The following RAVER1 variants were observed in gnomAD, a reference collection of about 807,000 sequenced individuals.
The protein encoded by RAVER1 is ribonucleoprotein PTB-binding 1.
A neutral mutation model predicts 68.4 loss-of-function variants in RAVER1; 36 were observed. That is an observed-to-expected ratio of 0.53 (90% CI 0.40 to 0.70). The LOEUF (loss-of-function observed/expected upper bound fraction) is 0.70. RAVER1 is among the 30% of genes least tolerant of loss of function. The pLI, the probability that RAVER1 is intolerant of heterozygous loss-of-function variation, is 0.00. For missense variants in RAVER1, 933 were observed against 1,019.8 expected (o/e 0.91, Z 1.16); for synonymous variants, 469 against 472.7 (o/e 0.99, Z 0.10).
chr19:10,322,313 T>A lies in RAVER1; in HGVS notation c.1173+332A>T. 2.9e-6 allele frequency: 1 copy of A among 346,536 alleles called. No individual in the cohort carries two copies. The highest frequency in any genetic ancestry group is 4.4e-5 in the South Asian group (1 of 22,770). 21.5% of individuals were successfully genotyped at this position (346,536 alleles called of 1,614,324 possible). On this transcript the variant is annotated intron_variant, in intron 6 of 12. Transcript: ENST00000617231. This position sits in a 1 kb window ranked among gnomAD's most constrained non-coding sequence, Gnocchi z 4.3. ...CTATAGAGCTTCCGAGCAGAGTCTA[T>A]TCACAAACTGGTGCCCAGCAGCGGC... is the stretch of plus-strand genomic sequence containing the variant.
At chr19:10,325,629 A>G (rs2040469266) in intron 3 of RAVER1, among the ~76,000 whole-genome samples, 1 of 152,148 alleles carries the variant, frequency 6.6e-6, no homozygotes, top group South Asian at 2.1e-4. Context: ...GGCATGAGCC[A>G]CTGTGCCCGG....
chr19:10,330,574 G>T, intron 1 of RAVER1, 48 bp from the exon 2 acceptor site: 1 of 901,398 alleles, frequency 1.1e-6, no homozygotes. Context: ...AGATGGAAGG[G>T]GGCAACCCAG....
Position 10,323,111 on chromosome 19 carries a change from T to C in RAVER1, c.1078+34A>G. Reference sequence around the variant, plus strand: ...GGGGGCAGCGCTGCAGCCCCTGTTCTGCACAGTGGGGCCCCTGTCCAGCCC... The same window carrying C: ...GGGGGCAGCGCTGCAGCCCCTGTTCCGCACAGTGGGGCCCCTGTCCAGCCC... On this transcript the variant is annotated intron_variant, in intron 5 of 12. Transcript: ENST00000617231. The surrounding 1 kb of genome is among the most constrained non-coding windows in gnomAD (Gnocchi z 6.2). The C allele has an allele frequency of 6.6e-7, 1 of 1,525,954 alleles. No homozygotes were observed. Among genetic ancestry groups the C allele is most frequent in the South Asian group, 1.2e-5 (1 of 82,056 alleles). 94.5% of individuals were successfully genotyped at this position (1,525,954 alleles called of 1,614,324 possible). A position where few individuals can be genotyped will look rare whatever the true frequency, so the allele number is the denominator to read the frequency against.
At chr19:10,332,453 C>A (rs917478260) in intron 1 of RAVER1, among the ~76,000 whole-genome samples, 2 of 152,176 alleles carry the variant, frequency 1.3e-5, no homozygotes, top group African/African-American at 4.8e-5. Context: ...ATCCCTGTCC[C>A]GATCTGTCCC....
intron 2 of RAVER1, 35 bp downstream of exon 2, chr19:10,330,425 C>T (rs964139575): frequency 8.5e-6 from 9 of 1,060,820 alleles, no homozygotes; most frequent in Admixed American, 7.8e-5. Flanking sequence ...GGGATGGTCA[C>T]TCCCTGCCCT....
In RAVER1 at chr19:10,322,751, CAT is replaced by C; in HGVS notation, c.1079-14_1079-13del. On this transcript the variant is annotated splice_polypyrimidine_tract_variant and intron_variant, in intron 5 of 12. Coordinates refer to ENST00000617231, the MANE Select transcript of RAVER1 (RefSeq NM_133452.3). The surrounding 1 kb of genome is among the most constrained non-coding windows in gnomAD (Gnocchi z 4.3). ...GGCACCCAGGAGGCCTGGAGGGAGA[CAT>C]AGGAGGATGTGTGGGGGTCCCTGTG... The C allele has an allele frequency of 6.9e-7, 1 of 1,450,146 alleles. No individual in the cohort carries two copies. Among genetic ancestry groups the C allele is most frequent in the South Asian group, 1.5e-5 (1 of 68,278 alleles). 89.8% of individuals were successfully genotyped at this position (1,450,146 alleles called of 1,614,324 possible). A position where few individuals can be genotyped will look rare whatever the true frequency, so the allele number is the denominator to read the frequency against.
rs1259171388 is a variant in RAVER1, at chr19:10,317,525, C to G, written c.2149G>C (p.Val717Leu). The G allele has an allele frequency of 6.2e-7, 1 of 1,613,614 alleles. No homozygotes were observed. Among genetic ancestry groups the G allele is most frequent in the Non-Finnish European group, 8.5e-7 (1 of 1,179,574 alleles). Residue 717 changes from valine (V) to leucine (L), a missense_variant, in exon 13 of 13, where the codon GTG (valine) becomes CTG (leucine). Physicochemically the swap from Val to Leu is conservative, Grantham distance 32. Transcript: ENST00000617231. This position sits in a 1 kb window ranked among gnomAD's most constrained non-coding sequence, Gnocchi z 4.3. ...SPEPSPEGSYVGQHSQGLGGH... is the reference protein window; with the variant it reads ...SPEPSPEGSYLGQHSQGLGGH... ...CCGAGGCCCTGGGAGTGCTGGCCCA[C>G]ATAGCTGCCTTCTGGGCTGGGCTCG...
chr19:10,331,393 C>CAAA lies in RAVER1; in HGVS notation c.220-870_220-868dup, dbSNP rs1171709414. Among the ~76,000 whole-genome samples the CAAA allele has an allele frequency of 1.8e-3, 89 of 48,516 alleles. 1 individual carries two copies. Among genetic ancestry groups the CAAA allele is most frequent in the African/African-American group, 5.2e-3 (56 of 10,826 alleles). 31.8% of individuals were successfully genotyped at this position (48,516 alleles called of 152,430 possible). On this transcript the variant is annotated intron_variant, in intron 1 of 12. Coordinates refer to ENST00000617231, the MANE Select transcript of RAVER1 (RefSeq NM_133452.3). Reference sequence around the variant, plus strand: ...AAAAAAAAAAAAAAAATAACAACAACAAAAAAAAAAAAAAAAAAAGAGGCC... The same window carrying CAAA: ...AAAAAAAAAAAAAAAATAACAACAACAAAAAAAAAAAAAAAAAAAAAAGAGGCC...
At position 10,317,758 on chromosome 19, in the gene RAVER1, G is replaced by T. The variant is rs775636591; in HGVS notation, c.2005C>A (p.Pro669Thr). 1.9e-6 allele frequency: 3 copies of T among 1,589,078 alleles called. No individual in the cohort carries two copies. Among genetic ancestry groups the T allele is most frequent in the East Asian group, 4.5e-5 (2 of 44,158 alleles). ...SHLSKAIGSS[P>T]LGSGEGLLGL... ...AGGAGCCCTTCTCCGGACCCCAGCG[G>T]GGAAGAGCCGATTGCCTGGGAGAAA... Residue 669 changes from proline to threonine, a missense_variant, in exon 12 of 13, where the codon CCG becomes ACG. By Grantham distance (38) the Pro-to-Thr change is conservative. This residue lies in a region of RAVER1 where 699 missense variants were observed against 731.1 expected (regional missense o/e 0.96). Transcript: ENST00000617231. This position sits in a 1 kb window ranked among gnomAD's most constrained non-coding sequence, Gnocchi z 4.3.
At chr19:10,320,524 A>T (rs561882711) in intron 9 of RAVER1, 131 bp downstream of exon 9, 5 of 732,926 alleles carry the variant, frequency 6.8e-6, no homozygotes, top group African/African-American at 1.9e-5. Flanking sequence ...AAAAAAAAAA[A>T]GCAGAGACCA....
At chr19:10,324,025 G>A (rs953898959) in intron 3 of RAVER1, among the ~76,000 whole-genome samples, 1 of 152,106 alleles carries the variant, frequency 6.6e-6, no homozygotes, top group African/African-American at 2.4e-5. Flanking sequence ...GCACATGCCT[G>A]TATTCCCAGC....
At chr19:10,320,504 TA>T (rs773652670) in intron 9 of RAVER1, 150 bp downstream of exon 9, 82,270 of 466,942 alleles carry the variant, frequency 0.18, 3 homozygotes, top group East Asian at 0.21. Flanking sequence ...ACCCTGTCTC[TA>T]AAAAAAAAAA....
In RAVER1 at chr19:10,321,201, T is replaced by C. The variant is rs914415338; in HGVS notation, c.1320A>G (p.Pro440=). 9.4e-6 allele frequency: 12 copies of C among 1,279,616 alleles called. No homozygotes were observed. Among genetic ancestry groups the C allele is most frequent in the Non-Finnish European group, 9.9e-6 (10 of 1,010,044 alleles). 79.3% of individuals were successfully genotyped at this position (1,279,616 alleles called of 1,614,324 possible). A position where few individuals can be genotyped will look rare whatever the true frequency, so the allele number is the denominator to read the frequency against. ...PRRGKPPPLL[P]SVLGPAGGDR... is the part of the protein sequence containing the mutation. ...CACCCCCAGCAGGGCCAAGCACGGA[T>C]GGCAGCAGGGGTGGTGGCTTCCCTC... Residue 440 remains proline (P), a synonymous_variant, in exon 8 of 13, where the codon CCA becomes CCG. Transcript: ENST00000617231.
In RAVER1 at chr19:10,322,634, G is replaced by A; in HGVS notation, c.1173+11C>T. ...CTGTAGAGCAGTGGGTGAGGGGGAT[G>A]CGTGTGTTACCTTCTGGCCCTGGGT... is the stretch of plus-strand genomic sequence containing the variant. On this transcript the variant is annotated intron_variant, in intron 6 of 12. Coordinates refer to ENST00000617231, the MANE Select transcript of RAVER1 (RefSeq NM_133452.3). The surrounding 1 kb of genome is among the most constrained non-coding windows in gnomAD (Gnocchi z 4.3). 1 of 1,522,972 alleles carries A rather than the reference G, an allele frequency of 6.6e-7. No individual in the cohort carries two copies. The highest frequency in any genetic ancestry group is 8.8e-7 in the Non-Finnish European group (1 of 1,136,722). The allele number at this position is 1,522,972 out of a possible 1,614,324, so 94.3% of individuals were successfully genotyped here. A position where few individuals can be genotyped will look rare whatever the true frequency, so the allele number is the denominator to read the frequency against.
chr19:10,322,440 A>C lies in RAVER1; in HGVS notation c.1173+205T>G. Reference sequence around the variant, plus strand: ...CAGGGGCGCTCTCAGAATGGAGGGAAAGATGGCGAACCATCATGAGCAATT... The same window carrying C: ...CAGGGGCGCTCTCAGAATGGAGGGACAGATGGCGAACCATCATGAGCAATT... On this transcript the variant is annotated intron_variant, in intron 6 of 12. Transcript: ENST00000617231. The surrounding 1 kb of genome is among the most constrained non-coding windows in gnomAD (Gnocchi z 4.3). The C allele has an allele frequency of 2.0e-6, 1 of 508,772 alleles. No homozygotes were observed. The highest frequency in any genetic ancestry group is 3.4e-6 in the Non-Finnish European group (1 of 293,134). 31.5% of individuals were successfully genotyped at this position (508,772 alleles called of 1,614,324 possible). A position where few individuals can be genotyped will look rare whatever the true frequency, so the allele number is the denominator to read the frequency against.
chr19:10,333,508 C>T lies in RAVER1; in HGVS notation c.-1G>A. 1.9e-6 allele frequency: 3 copies of T among 1,596,188 alleles called. No individual in the cohort carries two copies. The highest frequency in any genetic ancestry group is 1.1e-5 in the South Asian group (1 of 90,804). On this transcript the variant is annotated 5_prime_UTR_variant, in exon 1 of 13. Transcript: ENST00000617231. The surrounding 1 kb of genome is among the most constrained non-coding windows in gnomAD (Gnocchi z 4.2). Reference sequence around the variant, plus strand: ...GAGTAACGGACACGTCCGCCGCCATCTTGGGAAACCCGGCGCCTTCTGGGA... The same window carrying T: ...GAGTAACGGACACGTCCGCCGCCATTTTGGGAAACCCGGCGCCTTCTGGGA...
intron 3 of RAVER1, among the ~76,000 whole-genome samples, chr19:10,324,879 C>G (rs890183596): frequency 6.6e-6 from 1 of 152,210 alleles, no homozygotes; most frequent in South Asian, 2.1e-4. Context: ...TGCTACTCAT[C>G]AGATGCTCAA....
At chr19:10,326,163 G>C (rs1273788575) in intron 3 of RAVER1, among the ~76,000 whole-genome samples, 5 of 152,182 alleles carry the variant, frequency 3.3e-5, no homozygotes, top group African/African-American at 1.2e-4. Flanking sequence ...GCTGAAGCTG[G>C]AGAATCACTT....
In RAVER1 at chr19:10,333,303, C is replaced by T. The variant is rs768630568; in HGVS notation, c.205G>A (p.Asp69Asn). 2 of 1,613,578 alleles carry T rather than the reference C, an allele frequency of 1.2e-6. No individual in the cohort carries two copies. The highest frequency in any genetic ancestry group is 1.7e-6 in the Non-Finnish European group (2 of 1,179,586). ...RKILIRGLPG[D>N]VTNQEVHDLL... ...CCCCCCAATACCTGGTTGGTCACGTCCCCCGGGAGGCCCCGGATCAGTATC... is the reference window on the plus strand; with the variant it reads ...CCCCCCAATACCTGGTTGGTCACGTTCCCCGGGAGGCCCCGGATCAGTATC... Residue 69 changes from aspartate (D) to asparagine (N), a missense_variant, in exon 1 of 13, where the codon GAC (aspartate) becomes AAC (asparagine). This residue lies in a region of RAVER1 where 211 missense variants were observed against 230.0 expected (regional missense o/e 0.92). Transcript: ENST00000617231. This position sits in a 1 kb window ranked among gnomAD's most constrained non-coding sequence, Gnocchi z 4.2.
Sources: allele counts gnomAD v4.1 joint callset (sites outside exome capture counted in the v4.1 genomes callset), GRCh38; gene constraint gnomAD v4.1.1; regional missense constraint gnomAD v4.1.1; non-coding constraint Gnocchi (gnomAD v3.1); transcripts MANE v1.5; gene names NCBI Gene and HGNC (gene_info 2026-07-23, HGNC 2026-07-21).